KCNMA1: variants seen among roughly 807,000 people sequenced by gnomAD.
KCNMA1 encodes the protein potassium calcium-activated channel subfamily M alpha 1.
A neutral mutation model predicts 140.0 loss-of-function variants in KCNMA1; 29 were observed. That is an observed-to-expected ratio of 0.21 (90% CI 0.15 to 0.28). The LOEUF (loss-of-function observed/expected upper bound fraction) is 0.28. KCNMA1 is among the 10% of genes least tolerant of loss of function. The pLI is 1.00. For missense variants in KCNMA1, 880 were observed against 1,602.2 expected (o/e 0.55, Z 7.70); for synonymous variants, 612 against 611.9 (o/e 1.00, Z 0.00).
chr10:77,259,830 C>T (rs1424129832), intron 2 of KCNMA1, among the ~76,000 whole-genome samples: 2 of 152,212 alleles, frequency 1.3e-5, no homozygotes, highest in Non-Finnish European at 2.9e-5. Flanking sequence ...ATCAATTGCT[C>T]TCCTCTTTCC....
intron 1 of KCNMA1, among the ~76,000 whole-genome samples, chr10:77,605,547 T>C (rs1019380644): frequency 6.6e-6 from 1 of 152,190 alleles, no homozygotes; most frequent in African/African-American, 2.4e-5. Flanking sequence ...AGCCCTCTGC[T>C]GGGTACCCTC....
At chr10:77,143,754 T>C (rs563505632) in intron 5 of KCNMA1, among the ~76,000 whole-genome samples, 57 of 151,996 alleles carry the variant, frequency 3.8e-4, no homozygotes, top group African/African-American at 1.3e-3. Context: ...ATCAGTAAAA[T>C]AAAAAACTTC....
chr10:77,146,283 A>T (rs1395312691), intron 5 of KCNMA1, among the ~76,000 whole-genome samples: 1 of 152,202 alleles, frequency 6.6e-6, no homozygotes. Context: ...AGCATTACCC[A>T]GTAAGAAAAA....
intron 19 of KCNMA1, among the ~76,000 whole-genome samples, chr10:76,996,280 G>A (rs939866722): frequency 6.6e-6 from 1 of 152,236 alleles, no homozygotes; most frequent in Admixed American, 6.5e-5. Context: ...TGCACAGAGT[G>A]AGCTAAGGCC....
At chr10:76,985,955 G>A (rs1248062999) in intron 19 of KCNMA1, among the ~76,000 whole-genome samples, 4 of 152,176 alleles carry the variant, frequency 2.6e-5, no homozygotes, top group Non-Finnish European at 5.9e-5. Flanking sequence ...AAGAATAGAT[G>A]TATGCAATAG....
intron 23 of KCNMA1, among the ~76,000 whole-genome samples, chr10:76,920,014 G>GTATATGTATA (rs1449289105): frequency 9.0e-5 from 4 of 44,520 alleles, no homozygotes; most frequent in African/African-American, 1.3e-4. Context: ...GTGTGTGTGT[G>GTATATGTATA]TGTGTGTATA....
chr10:77,471,981 A>G (rs1413020233), intron 1 of KCNMA1, among the ~76,000 whole-genome samples: 1 of 146,880 alleles, frequency 6.8e-6, no homozygotes, highest in Non-Finnish European at 1.5e-5. Flanking sequence ...TCACACACAC[A>G]TAATGCCACA....
chr10:77,616,603 C>T (rs11002221), intron 1 of KCNMA1, among the ~76,000 whole-genome samples: 5,151 of 151,994 alleles, frequency 0.034, 233 homozygotes, highest in African/African-American at 0.1. Context: ...ATCAGGAGTT[C>T]GAGACCAGCC....
intron 5 of KCNMA1, among the ~76,000 whole-genome samples, chr10:77,142,379 AAAAG>A (rs2098196613): frequency 6.6e-6 from 1 of 152,006 alleles, no homozygotes; most frequent in South Asian, 2.1e-4. Context: ...TAAAAAAAAA[AAAAG>A]AAAAGAAAAG....
At chr10:76,873,172 G>T (rs2031709337), downstream of KCNMA1, 1 of 152,106 alleles carries the variant, frequency 6.6e-6, no homozygotes, top group Non-Finnish European at 1.5e-5. Flanking sequence ...ATTAGGCTCT[G>T]TGGTCTCTTA....
intron 1 of KCNMA1, among the ~76,000 whole-genome samples, chr10:77,606,812 TCA>T (rs1288866388): frequency 6.6e-6 from 1 of 152,098 alleles, no homozygotes; most frequent in Non-Finnish European, 1.5e-5. Flanking sequence ...TTTATCGTGT[TCA>T]GTCCTTTTAG....
chr10:77,568,702 C>A (rs2069453500), intron 1 of KCNMA1, among the ~76,000 whole-genome samples: 1 of 148,888 alleles, frequency 6.7e-6, no homozygotes, highest in Admixed American at 6.7e-5. Context: ...TCTCACCACT[C>A]CTATTCAACA....
intron 1 of KCNMA1, among the ~76,000 whole-genome samples, chr10:77,609,275 G>T (rs1461285921): frequency 6.6e-6 from 1 of 152,202 alleles, no homozygotes; most frequent in East Asian, 1.9e-4. Context: ...TAAAAAAGAA[G>T]GATATCCTGC....
intron 2 of KCNMA1, among the ~76,000 whole-genome samples, chr10:77,321,307 A>G (rs1032242982): frequency 9.2e-5 from 14 of 152,326 alleles, no homozygotes; most frequent in Admixed American, 3.9e-4. Flanking sequence ...CAAAAATAAC[A>G]TATCAGTATC....
chr10:77,135,028 A>AAAAAAAAAAAAAAAAAAAAACAAAAT (rs2097969742), intron 5 of KCNMA1, among the ~76,000 whole-genome samples: 1 of 140,214 alleles, frequency 7.1e-6, no homozygotes, highest in Admixed American at 7.3e-5. Context: ...AAAAAAAAAA[A>AAAAAAAAAAAAAAAAAAAAACAAAAT]GGAAGAAAGA....
At chr10:77,417,430 C>T (rs1184075440) in intron 1 of KCNMA1, among the ~76,000 whole-genome samples, 1 of 152,230 alleles carries the variant, frequency 6.6e-6, no homozygotes, top group Non-Finnish European at 1.5e-5. Flanking sequence ...CTTTCCCAGG[C>T]ATCACTGACG....
At chr10:77,415,512 G>C (rs543791444) in intron 1 of KCNMA1, among the ~76,000 whole-genome samples, 2 of 152,224 alleles carry the variant, frequency 1.3e-5, no homozygotes, top group Non-Finnish European at 2.9e-5. Context: ...CTGTGGCAGG[G>C]GCCCAGCAGG....
chr10:77,598,710 C>T (rs1033638827), intron 1 of KCNMA1, among the ~76,000 whole-genome samples: 4 of 152,202 alleles, frequency 2.6e-5, no homozygotes, highest in East Asian at 1.9e-4. Flanking sequence ...ACCCAGGCCA[C>T]GCCAAACAAC....
intron 20 of KCNMA1, among the ~76,000 whole-genome samples, chr10:76,954,697 A>C (rs535546626): frequency 6.6e-6 from 1 of 152,292 alleles, no homozygotes; most frequent in Non-Finnish European, 1.5e-5. Context: ...CAACTGCTGC[A>C]TATCTTAGAT....
Sources: allele counts gnomAD v4.1 joint callset (sites outside exome capture counted in the v4.1 genomes callset), GRCh38; gene constraint gnomAD v4.1.1; transcripts MANE v1.5; gene names NCBI Gene and HGNC (gene_info 2026-07-23, HGNC 2026-07-21).